The following KCNK13 variants were observed in gnomAD, a reference collection of about 807,000 sequenced individuals.
The protein encoded by KCNK13 is potassium two pore domain channel subfamily K member 13.
KCNK13 carries 12 observed loss-of-function variants against 23.4 expected under a neutral mutation model. That is an observed-to-expected ratio of 0.51 (90% CI 0.33 to 0.83). The LOEUF (loss-of-function observed/expected upper bound fraction) is 0.83. Ranked by LOEUF, KCNK13 falls within the 40% of genes least tolerant of loss-of-function variation. The pLI is 0.02. For missense variants in KCNK13, 463 were observed against 556.3 expected, an observed-to-expected ratio of 0.83 and a Z score of 1.69; for synonymous variants, 231 against 229.5, an observed-to-expected ratio of 1.01 and a Z score of -0.06.
At chr14:90,116,814 T>A (rs1035296932) in intron 1 of KCNK13, among the ~76,000 whole-genome samples, 1 of 152,208 alleles carries the variant, frequency 6.6e-6, no homozygotes, top group African/African-American at 2.4e-5. Context: ...TTTCTCCTAC[T>A]GGGAGATATT....
chr14:90,062,527 G>A lies in KCNK13; in HGVS notation c.322G>A (p.Val108Ile). 2.0e-6 allele frequency: 3 copies of A among 1,512,242 alleles called. No homozygotes were observed. Among genetic ancestry groups the A allele is most frequent in the Admixed American group, 2.1e-5 (1 of 46,624 alleles). 93.7% of individuals were successfully genotyped at this position (1,512,242 alleles called of 1,614,324 possible). The change falls in exon 1 of 2, where the codon GTT (valine) becomes ATT (isoleucine). Residue 108 changes from valine (V) to isoleucine (I), a missense_variant. Physicochemically the swap from Val to Ile is conservative, Grantham distance 29 (BLOSUM62 3). Around this residue, in one of 3 missense-constraint regions of KCNK13, gnomAD observed 144 missense variants for 224.0 expected, o/e 0.64. Coordinates refer to ENST00000282146, the MANE Select transcript of KCNK13 (RefSeq NM_022054.4). The surrounding 1 kb of genome is among the most constrained non-coding windows in gnomAD (Gnocchi z 4.5). ...TGAFYFVGTVVSTIGFGMTTP... is the reference protein window; with the variant it reads ...TGAFYFVGTVISTIGFGMTTP... ...CGCCTTCTACTTCGTGGGCACCGTC[G>A]TTTCCACCATAGGTAAGTGTGCTGG...
At chr14:90,141,383 C>T (rs1398333986) in intron 1 of KCNK13, among the ~76,000 whole-genome samples, 1 of 152,240 alleles carries the variant, frequency 6.6e-6, no homozygotes, top group Non-Finnish European at 1.5e-5. Flanking sequence ...ATTCCTGAAA[C>T]CATCTAAGCG....
rs149613305 is a variant in KCNK13, at chr14:90,130,600, G to A, written c.335-53511G>A. 9.0e-3 allele frequency among the ~76,000 whole-genome samples: 1,372 copies of A among 151,908 alleles called. 20 individuals carry two copies. Among genetic ancestry groups the A allele is most frequent in the Non-Finnish European group, 0.01 (713 of 67,932 alleles). ...GGCCGAGGTGGGCAGATCACCTGAG[G>A]TCAGGAGTTTCAGACAAGCCTGGCC... On this transcript the variant is annotated intron_variant, in intron 1 of 1. Coordinates refer to ENST00000282146, the MANE Select transcript of KCNK13 (RefSeq NM_022054.4).
chr14:90,117,543 T>C (rs945267316), intron 1 of KCNK13, among the ~76,000 whole-genome samples: 2 of 151,988 alleles, frequency 1.3e-5, no homozygotes, highest in African/African-American at 2.4e-5. Flanking sequence ...TGAACCAAGA[T>C]TGCACCATTG....
intron 1 of KCNK13, among the ~76,000 whole-genome samples, chr14:90,113,762 G>C (rs1025680764): frequency 6.6e-6 from 1 of 152,036 alleles, no homozygotes; most frequent in Non-Finnish European, 1.5e-5. Flanking sequence ...GTGAAACCCT[G>C]TCTCTACTAA....
intron 1 of KCNK13, among the ~76,000 whole-genome samples, chr14:90,179,901 G>C (rs1446046036): frequency 6.6e-6 from 1 of 152,140 alleles, no homozygotes; most frequent in Non-Finnish European, 1.5e-5. Flanking sequence ...TAAGGTTTTA[G>C]CTTGTGATGC....
At chr14:90,085,738 CTTATATAATTATATATTATATA>C (rs1433080862) in intron 1 of KCNK13, among the ~76,000 whole-genome samples, 3 of 124,298 alleles carry the variant, frequency 2.4e-5, no homozygotes, top group African/African-American at 9.3e-5. Context: ...TATATATATA[CTTATATAATTATATATTATATA>C]TTATATAAAT....
chr14:90,161,926 C>T lies in KCNK13; in HGVS notation c.335-22185C>T, dbSNP rs1398681537. On this transcript the variant is annotated intron_variant, in intron 1 of 1. Coordinates refer to ENST00000282146, the MANE Select transcript of KCNK13 (RefSeq NM_022054.4). ...GGACGTGGTGGCTCACACCTGGAAT[C>T]TCAACACTTCAGGAGGCCCAGGAAG... Among the ~76,000 whole-genome samples, 4 of 152,184 alleles carry T rather than the reference C, an allele frequency of 2.6e-5. No individual in the cohort carries two copies. In the East Asian group the frequency reaches 7.7e-4, roughly 29 times the overall value.
At chr14:90,090,155 A>G (rs1311387790) in intron 1 of KCNK13, among the ~76,000 whole-genome samples, 2 of 152,226 alleles carry the variant, frequency 1.3e-5, no homozygotes, top group Non-Finnish European at 2.9e-5. Context: ...CGCTTGCACC[A>G]TGTGCCTGGA....
chr14:90,152,689 T>C (rs1890149775), intron 1 of KCNK13, among the ~76,000 whole-genome samples: 1 of 152,228 alleles, frequency 6.6e-6, no homozygotes, highest in Non-Finnish European at 1.5e-5. Flanking sequence ...GAGAATGGTC[T>C]AATACAGTAG....
intron 1 of KCNK13, among the ~76,000 whole-genome samples, chr14:90,166,877 C>G (rs1182190430): frequency 6.6e-6 from 1 of 152,094 alleles, no homozygotes; most frequent in Non-Finnish European, 1.5e-5. Flanking sequence ...ACCCAAATCA[C>G]AGAATATTGA....
At chr14:90,088,425 A>T (rs1313890593) in intron 1 of KCNK13, among the ~76,000 whole-genome samples, 1 of 152,222 alleles carries the variant, frequency 6.6e-6, no homozygotes, top group African/African-American at 2.4e-5. Context: ...AAGCCATAAA[A>T]GTGAAGTTCC....
intron 1 of KCNK13, among the ~76,000 whole-genome samples, chr14:90,148,523 G>C (rs560064274): frequency 4.7e-4 from 72 of 152,332 alleles, no homozygotes; most frequent in African/African-American, 1.6e-3. Context: ...CAGAGAAAGT[G>C]GCCATTGAAC....
chr14:90,180,003 A>G (rs1296240811), intron 1 of KCNK13, among the ~76,000 whole-genome samples: 1 of 152,126 alleles, frequency 6.6e-6, no homozygotes, highest in Non-Finnish European at 1.5e-5. Context: ...AACTATGGAC[A>G]CTTGGCTAAT....
intron 1 of KCNK13, among the ~76,000 whole-genome samples, chr14:90,136,819 G>A (rs1183908564): frequency 6.6e-6 from 1 of 152,098 alleles, no homozygotes; most frequent in African/African-American, 2.4e-5. Flanking sequence ...TGAACCGAGA[G>A]GGTCAAATAC....
chr14:90,073,971 G>A (rs971412603), intron 1 of KCNK13, among the ~76,000 whole-genome samples: 10 of 151,068 alleles, frequency 6.6e-5, no homozygotes, highest in East Asian at 3.9e-4. Context: ...CACTGCGCCC[G>A]ACCAAGATTT....
At chr14:90,136,532 G>A (rs919027427) in intron 1 of KCNK13, among the ~76,000 whole-genome samples, 1 of 151,892 alleles carries the variant, frequency 6.6e-6, no homozygotes, top group Non-Finnish European at 1.5e-5. Flanking sequence ...AAAAATCTTA[G>A]CAAAACCTGA....
intron 1 of KCNK13, among the ~76,000 whole-genome samples, chr14:90,068,270 T>C (rs1001740301): frequency 6.8e-4 from 103 of 152,266 alleles, no homozygotes; most frequent in African/African-American, 2.3e-3. Context: ...TTGTGGCAAG[T>C]TGCAGAAGAA....
intron 1 of KCNK13, among the ~76,000 whole-genome samples, chr14:90,092,942 G>A (rs1027103905): frequency 2.2e-5 from 3 of 138,040 alleles, no homozygotes; most frequent in Non-Finnish European, 3.1e-5. Flanking sequence ...AAAGCATCAC[G>A]ATACTCAGAA....
Sources: gnomAD v4.1 joint callset for allele counts (sites outside exome capture counted in the v4.1 genomes callset) on GRCh38, gnomAD v4.1.1 for gene constraint, gnomAD v4.1.1 regional missense constraint, Gnocchi (gnomAD v3.1) non-coding constraint, MANE v1.5 for transcripts, NCBI Gene and HGNC (gene_info 2026-07-23, HGNC 2026-07-21) for gene names.